The following AGBL4 variants were observed in gnomAD, a reference collection of about 807,000 sequenced individuals.
AGBL4 encodes AGBL carboxypeptidase 4.
Under a neutral mutation model 66.4 loss-of-function variants are expected in AGBL4, and 58 were observed. The observed-to-expected ratio is 0.87, with a 90% CI of 0.71 to 1.09. The LOEUF is 1.09. Ranked by LOEUF, AGBL4 falls within the 50% of genes least tolerant of loss-of-function variation. The pLI, the probability that AGBL4 is intolerant of heterozygous loss-of-function variation, is 0.00. For missense variants in AGBL4, 579 were observed against 631.0 expected, an observed-to-expected ratio of 0.92 and a Z score of 0.88; for synonymous variants, 234 against 222.9, an observed-to-expected ratio of 1.05 and a Z score of -0.44.
intron 11 of AGBL4, among the ~76,000 whole-genome samples, chr1:48,579,994 T>C (rs995758881): frequency 6.6e-6 from 1 of 151,546 alleles, no homozygotes. Context: ...ACTTCTAAAA[T>C]TGTAGTTTCG....
chr1:49,891,660 G>T (rs1463736834), intron 1 of AGBL4, among the ~76,000 whole-genome samples: 1 of 152,176 alleles, frequency 6.6e-6, no homozygotes, highest in Non-Finnish European at 1.5e-5. Context: ...AGAGAAAGTG[G>T]TCTAGGCTAA....
intron 6 of AGBL4, among the ~76,000 whole-genome samples, chr1:48,826,946 T>C (rs1176032409): frequency 6.6e-6 from 1 of 152,142 alleles, no homozygotes; most frequent in East Asian, 1.9e-4. Flanking sequence ...AAATAGGCTC[T>C]GCACTCTTTC....
At chr1:49,603,641 C>T (rs1354577627) in intron 3 of AGBL4, among the ~76,000 whole-genome samples, 1 of 152,066 alleles carries the variant, frequency 6.6e-6, no homozygotes, top group Non-Finnish European at 1.5e-5. Context: ...GCTGTCATTG[C>T]AGCCATTTTA....
At chr1:49,808,076 A>G (rs1429301931) in intron 2 of AGBL4, among the ~76,000 whole-genome samples, 1 of 152,222 alleles carries the variant, frequency 6.6e-6, no homozygotes, top group African/African-American at 2.4e-5. Context: ...TAAACAGACT[A>G]CAGCAACATG....
At chr1:48,840,356 G>A (rs1001727471) in intron 6 of AGBL4, among the ~76,000 whole-genome samples, 1 of 152,090 alleles carries the variant, frequency 6.6e-6, no homozygotes. Context: ...TGAGAAAAAC[G>A]AGGCAGTTAA....
At chr1:48,940,163 A>G (rs1429938533) in intron 5 of AGBL4, among the ~76,000 whole-genome samples, 14 of 152,214 alleles carry the variant, frequency 9.2e-5, no homozygotes, top group Admixed American at 8.5e-4. Context: ...GCAGATCACG[A>G]GGTCAGGAGT....
intron 2 of AGBL4, among the ~76,000 whole-genome samples, chr1:49,791,461 C>A (rs576908691): frequency 6.6e-6 from 1 of 152,140 alleles, no homozygotes; most frequent in East Asian, 1.9e-4. Flanking sequence ...TCCCCAAAAT[C>A]AGGTCATTTC....
intron 5 of AGBL4, among the ~76,000 whole-genome samples, chr1:48,890,686 G>A (rs976597279): frequency 6.6e-6 from 1 of 152,170 alleles, no homozygotes; most frequent in Non-Finnish European, 1.5e-5. Context: ...GATGCTGGGG[G>A]TTATTTCCCA....
chr1:49,675,168 G>A (rs1418464566), intron 3 of AGBL4, among the ~76,000 whole-genome samples: 1 of 152,070 alleles, frequency 6.6e-6, no homozygotes, highest in African/African-American at 2.4e-5. Context: ...ATAAGACACT[G>A]TCATGCAGGC....
chr1:48,595,209 G>C (rs893173523), intron 9 of AGBL4, among the ~76,000 whole-genome samples: 1 of 152,124 alleles, frequency 6.6e-6, no homozygotes, highest in African/African-American at 2.4e-5. Context: ...CTTACTACAT[G>C]AGATGATAAT....
Position 48,741,764 on chromosome 1 carries a change from C to T in AGBL4, c.635-78523G>A, listed in dbSNP as rs544213770. Among the ~76,000 whole-genome samples, 3 of 152,292 alleles carry T rather than the reference C, an allele frequency of 2.0e-5. No individual in the cohort carries two copies. In the South Asian group the frequency reaches 6.2e-4, roughly 32 times the overall value. On this transcript the variant is annotated intron_variant, in intron 6 of 13. Transcript: ENST00000371839. Reference sequence around the variant, plus strand: ...TGAAGCATGAGGCAAGAAAAATGAACCAACACATGACGCGTTAAGGAGAAC... The same window carrying T: ...TGAAGCATGAGGCAAGAAAAATGAATCAACACATGACGCGTTAAGGAGAAC...
intron 4 of AGBL4, among the ~76,000 whole-genome samples, chr1:49,207,649 A>G (rs1042805183): frequency 1.4e-5 from 2 of 141,088 alleles, no homozygotes; most frequent in African/African-American, 5.3e-5. Flanking sequence ...GCTGGAGTAC[A>G]TACTTGATCA....
chr1:49,533,995 G>T (rs1651352968), intron 3 of AGBL4, among the ~76,000 whole-genome samples: 1 of 151,968 alleles, frequency 6.6e-6, no homozygotes, highest in Non-Finnish European at 1.5e-5. Context: ...GAAGGGTCTA[G>T]GGTTTCTAAA....
intron 3 of AGBL4, among the ~76,000 whole-genome samples, chr1:49,515,273 AGAC>A (rs771626048): frequency 3.3e-5 from 5 of 152,178 alleles, no homozygotes; most frequent in Non-Finnish European, 7.3e-5. Flanking sequence ...TGCAGCCAAA[AGAC>A]GCATGAAAAA....
intron 7 of AGBL4, among the ~76,000 whole-genome samples, chr1:48,657,094 G>A (rs902012533): frequency 1.3e-5 from 2 of 152,154 alleles, no homozygotes; most frequent in Non-Finnish European, 2.9e-5. Context: ...GGTTAAAAGC[G>A]CAGACCCTGA....
chr1:48,619,542 G>A (rs994977004), intron 9 of AGBL4, among the ~76,000 whole-genome samples: 24 of 152,148 alleles, frequency 1.6e-4, no homozygotes, highest in Non-Finnish European at 2.8e-4. Context: ...GGGTCCTGAA[G>A]CCCTGCTTTC....
At chr1:48,775,902 T>C (rs547047012) in intron 6 of AGBL4, among the ~76,000 whole-genome samples, 1 of 152,246 alleles carries the variant, frequency 6.6e-6, no homozygotes, top group African/African-American at 2.4e-5. Context: ...TCAGGGAGCC[T>C]TCTGGGAGAT....
chr1:49,094,772 G>A (rs1182197005), intron 4 of AGBL4, among the ~76,000 whole-genome samples: 1 of 152,090 alleles, frequency 6.6e-6, no homozygotes, highest in African/African-American at 2.4e-5. Context: ...TTTGAAAACT[G>A]GCACAAGACA....
chr1:49,656,265 A>G (rs992689309), intron 3 of AGBL4, among the ~76,000 whole-genome samples: 1 of 152,230 alleles, frequency 6.6e-6, no homozygotes, highest in Admixed American at 6.5e-5. Flanking sequence ...GAAGAAATGG[A>G]TAAATTCCTC....
Sources: gnomAD v4.1 joint callset for allele counts (sites outside exome capture counted in the v4.1 genomes callset) on GRCh38, gnomAD v4.1.1 for gene constraint, MANE v1.5 for transcripts, NCBI Gene and HGNC (gene_info 2026-07-23, HGNC 2026-07-21) for gene names.